NLRP7: variants seen among roughly 807,000 people sequenced by gnomAD.
NLRP7 encodes the protein NACHT, LRR and PYD domains-containing protein 7.
NLRP7 carries 72 observed loss-of-function variants against 85.5 expected under a neutral mutation model. The observed-to-expected ratio is 0.84, with a 90% confidence interval of 0.70 to 1.02. The LOEUF (loss-of-function observed/expected upper bound fraction) is 1.02, where lower values mean the gene tolerates loss of function less well. Ranked by LOEUF, NLRP7 falls within the 50% of genes least tolerant of loss-of-function variation. The pLI, the probability that NLRP7 is intolerant of heterozygous loss-of-function variation, is 0.00. For synonymous variants in NLRP7, 550 were observed against 505.2 expected, an observed-to-expected ratio of 1.09 and a Z score of -1.19; for missense variants, 1,243 against 1,219.5, an observed-to-expected ratio of 1.02 and a Z score of -0.29.
chr19:54,938,761 G>C (rs562356787), intron 4 of NLRP7, 127 bp downstream of exon 4: 16 of 1,025,520 alleles, frequency 1.6e-5, no homozygotes, highest in Non-Finnish European at 2.4e-5. Context: ...TTGCCAAGTC[G>C]TGTCTCCACG....
At chr19:54,957,491 A>G (rs188854175) in intron 1 of NLRP7, among the ~76,000 whole-genome samples, 9 of 151,232 alleles carry the variant, frequency 6.0e-5, no homozygotes, top group Admixed American at 2.6e-4. Context: ...GATTACAGGC[A>G]CACACCACCA....
intron 1 of NLRP7, among the ~76,000 whole-genome samples, chr19:54,946,038 G>T (rs958907828): frequency 5.9e-5 from 9 of 151,916 alleles, no homozygotes; most frequent in Admixed American, 2.0e-4. Context: ...TGATCCGCCC[G>T]CCTCGGCCTC....
rs375436078 is a variant in NLRP7, at chr19:54,934,395, C to T, written c.2471+94G>A. The T allele has an allele frequency of 2.8e-3, 3,635 of 1,280,510 alleles. 101 individuals carry two copies. The South Asian group carries it at 0.038, about 13-fold the overall frequency. 79.3% of individuals were successfully genotyped at this position (1,280,510 alleles called of 1,614,324 possible). On this transcript the variant is annotated intron_variant, in intron 7 of 9. Coordinates refer to ENST00000340844, the Ensembl canonical transcript of NLRP7. This position sits in a 1 kb window ranked among gnomAD's most constrained non-coding sequence, Gnocchi z 6.7. ...AGCAGGTGTTTATTTCAGCAAGAGG[C>T]GCCACGTGGGTGGCGCAGTAAGTCA...
intron 1 of NLRP7, among the ~76,000 whole-genome samples, chr19:54,963,300 G>T (rs1234466977): frequency 6.6e-6 from 1 of 152,080 alleles, no homozygotes; most frequent in African/African-American, 2.4e-5. Flanking sequence ...CTATGATTGT[G>T]CCACTGCACA....
At chr19:54,933,626 C>A in exon 8 of NLRP7, 1 of 1,614,174 alleles carries the variant, frequency 6.2e-7, no homozygotes, top group East Asian at 2.2e-5. Context: ...AAACTTCACC[C>A]CTGTATCCCC....
Position 54,934,766 on chromosome 19 carries a change from A to G in NLRP7, c.2301-107T>C. On this transcript the variant is annotated intron_variant, in intron 6 of 9. Transcript: ENST00000340844. The surrounding 1 kb of genome is among the most constrained non-coding windows in gnomAD (Gnocchi z 6.7). Reference sequence around the variant, plus strand: ...ACTCTGTTGCCCAGTCTGGAATGCAAAGGCGTGATCTCACCTCACTGCAGC... The same window carrying G: ...ACTCTGTTGCCCAGTCTGGAATGCAGAGGCGTGATCTCACCTCACTGCAGC... 1 of 921,500 alleles carries G rather than the reference A, an allele frequency of 1.1e-6. No homozygotes were observed. The highest frequency in any genetic ancestry group is 1.6e-6 in the Non-Finnish European group (1 of 616,670). The allele number at this position is 921,500 out of a possible 1,614,324, so 57.1% of individuals were successfully genotyped here. A position where few individuals can be genotyped will look rare whatever the true frequency, so the allele number is the denominator to read the frequency against.
exon 4 of NLRP7, chr19:54,940,025 A>T: frequency 6.2e-7 from 1 of 1,614,170 alleles, no homozygotes; most frequent in East Asian, 2.2e-5. Context: ...GTCCTGGATC[A>T]GCGCCCCAGG....
chr19:54,933,527 TGA>T, intron 8 of NLRP7, 40 bp downstream of exon 8: 1 of 1,605,758 alleles, frequency 6.2e-7, no homozygotes, highest in Non-Finnish European at 8.5e-7. Context: ...CTCTCCTGCT[TGA>T]ATTCATGTGC....
chr19:54,935,948 T>C (rs1049399664), intron 6 of NLRP7, among the ~76,000 whole-genome samples: 1 of 152,044 alleles, frequency 6.6e-6, no homozygotes, highest in Admixed American at 6.6e-5. Context: ...CGGCCCGCGG[T>C]GCAGAAAAGG....
upstream of NLRP7, among the ~76,000 whole-genome samples, chr19:54,951,466 C>G (rs1428390297): frequency 3.3e-5 from 5 of 152,090 alleles, no homozygotes; most frequent in South Asian, 1.0e-3. Context: ...ATTGTTTGAA[C>G]CCGGGAGGCA....
chr19:54,929,154 A>C, intron 9 of NLRP7, among the ~76,000 whole-genome samples: 1 of 151,980 alleles, frequency 6.6e-6, no homozygotes, highest in African/African-American at 2.4e-5. Context: ...GGATCACTTG[A>C]GGTCAGGAGT....
chr19:54,948,665 G>A (rs369376997), upstream of NLRP7, among the ~76,000 whole-genome samples: 27 of 152,224 alleles, frequency 1.8e-4, no homozygotes, highest in African/African-American at 6.5e-4. Context: ...TGCCTTCCAG[G>A]TTCAAGCAAT....
intron 1 of NLRP7, among the ~76,000 whole-genome samples, chr19:54,957,012 T>G (rs113371995): frequency 0.054 from 5,035 of 92,510 alleles, 152 homozygotes; most frequent in African/African-American, 0.19. Context: ...ATGTATGTAT[T>G]TATTTATTTA....
At chr19:54,941,683 A>T in exon 2 of NLRP7, 1 of 1,613,602 alleles carries the variant, frequency 6.2e-7, no homozygotes, top group Non-Finnish European at 8.5e-7. Flanking sequence ...AAGGGTCTGC[A>T]GAGTCCACTC....
At chr19:54,936,592 C>A (rs902552640) in intron 5 of NLRP7, among the ~76,000 whole-genome samples, 161 bp from the exon 6 acceptor site, 1 of 151,856 alleles carries the variant, frequency 6.6e-6, no homozygotes. Flanking sequence ...GAGGCTGAGG[C>A]AGGAGGATAA....
intron 1 of NLRP7, among the ~76,000 whole-genome samples, chr19:54,957,083 G>A (rs1487776004): frequency 2.0e-5 from 3 of 151,796 alleles, no homozygotes; most frequent in Non-Finnish European, 2.9e-5. Context: ...GTGCAGTGGC[G>A]TGATCTTGGC....
chr19:54,949,838 C>T (rs892376873), upstream of NLRP7, among the ~76,000 whole-genome samples: 1 of 152,174 alleles, frequency 6.6e-6, no homozygotes, highest in Non-Finnish European at 1.5e-5. Context: ...TCCTGTGGCT[C>T]ATGCCCGTAA....
intron 8 of NLRP7, among the ~76,000 whole-genome samples, chr19:54,931,480 G>A (rs145687607): frequency 2.6e-5 from 4 of 151,556 alleles, no homozygotes; most frequent in South Asian, 2.1e-4. Context: ...ACCTGAGGTC[G>A]GGAGTTCAAG....
intron 1 of NLRP7, 65 bp from the exon 2 acceptor site, chr19:54,941,815 T>C (rs1469806229): frequency 1.6e-6 from 2 of 1,226,764 alleles, no homozygotes; most frequent in East Asian, 2.5e-5. Context: ...CAGTTTCCTG[T>C]GTGCCAAGAA....
Sources: allele counts gnomAD v4.1 joint callset (sites outside exome capture counted in the v4.1 genomes callset), GRCh38; gene constraint gnomAD v4.1.1; non-coding constraint Gnocchi (gnomAD v3.1); transcripts MANE v1.5; gene names NCBI Gene and HGNC (gene_info 2026-07-23, HGNC 2026-07-21).